The following BATF variants were observed in gnomAD, a reference collection of about 807,000 sequenced individuals.
BATF encodes basic leucine zipper transcriptional factor ATF-like.
Under a neutral mutation model 13.7 loss-of-function variants are expected in BATF, and 5 were observed. That is an observed-to-expected ratio of 0.36 (90% CI 0.19 to 0.77). The LOEUF is 0.77. Among genes scored for constraint, BATF ranks in the 30% least tolerant of loss-of-function variants. BATF has a pLI of 0.51. For synonymous variants in BATF, 72 were observed against 67.5 expected, an observed-to-expected ratio of 1.07 and a Z score of -0.33; for missense variants, 124 against 163.0, an observed-to-expected ratio of 0.76 and a Z score of 1.30.
intron 2 of BATF, among the ~76,000 whole-genome samples, chr14:75,536,396 A>C (rs926256639): frequency 1.3e-5 from 2 of 152,150 alleles, no homozygotes; most frequent in African/African-American, 2.4e-5. Context: ...GACCAAGTTC[A>C]AGACCATAAG....
At chr14:75,526,997 A>G (rs1172558184) in intron 2 of BATF, among the ~76,000 whole-genome samples, 1 of 152,220 alleles carries the variant, frequency 6.6e-6, no homozygotes, top group Non-Finnish European at 1.5e-5. Flanking sequence ...ATGTAAGTAT[A>G]GTTCGGCAGC....
At chr14:75,539,004 G>A (rs1277098572) in intron 2 of BATF, among the ~76,000 whole-genome samples, 2 of 152,240 alleles carry the variant, frequency 1.3e-5, no homozygotes, top group Non-Finnish European at 2.9e-5. Flanking sequence ...CTTGCTAGTG[G>A]TAACCTTTGT....
intron 2 of BATF, among the ~76,000 whole-genome samples, chr14:75,535,382 G>A (rs1220908372): frequency 1.3e-5 from 2 of 152,168 alleles, no homozygotes; most frequent in Non-Finnish European, 2.9e-5. Flanking sequence ...CTGCACTCTG[G>A]ACTGGGTAAT....
rs754383692 is a variant in BATF, at chr14:75,525,173, C to T, written c.153C>T (p.Ala51=). The change falls in exon 2 of 3, where the codon GCC becomes GCT. Residue 51 remains alanine (A), a synonymous_variant. Coordinates refer to ENST00000286639, the MANE Select transcript of BATF (RefSeq NM_006399.5). ...QKSRQRQTQK[A]DTLHLESEDL... ...GCCGACAGAGGCAGACACAGAAGGC[C>T]GACACCCTGCACCTGGTAAGTGTTC... The T allele has an allele frequency of 1.3e-5, 21 of 1,613,680 alleles. No individual in the cohort carries two copies. Among genetic ancestry groups the T allele is most frequent in the African/African-American group, 4.0e-5 (3 of 74,874 alleles).
At chr14:75,531,788 C>G (rs1466104603) in intron 2 of BATF, among the ~76,000 whole-genome samples, 1 of 152,132 alleles carries the variant, frequency 6.6e-6, no homozygotes, top group Non-Finnish European at 1.5e-5. Context: ...TTGTTCTTGG[C>G]CTTCTGAGGA....
In BATF at chr14:75,546,766, C is replaced by T. The variant is rs1887994259; in HGVS notation, c.*95C>T. The T allele has an allele frequency of 1.4e-6, 2 of 1,394,548 alleles. No homozygotes were observed. The highest frequency in any genetic ancestry group is 2.7e-5 in the South Asian group (2 of 74,866). The allele number at this position is 1,394,548 out of a possible 1,614,324, so 86.4% of individuals were successfully genotyped here. ...CAGAGGCCCCTGTCCACCTGGAGACCCGGAGACAGAGGCCTGGACAAGGAG... is the reference window on the plus strand; with the variant it reads ...CAGAGGCCCCTGTCCACCTGGAGACTCGGAGACAGAGGCCTGGACAAGGAG... On this transcript the variant is annotated 3_prime_UTR_variant, in exon 3 of 3. Coordinates refer to ENST00000286639, the MANE Select transcript of BATF (RefSeq NM_006399.5).
intron 2 of BATF, among the ~76,000 whole-genome samples, chr14:75,528,743 A>G (rs1417507155): frequency 6.6e-6 from 1 of 151,612 alleles, no homozygotes; most frequent in African/African-American, 2.4e-5. Context: ...ATCAATAGCT[A>G]ATAAGTGGAC....
chr14:75,546,673 C>T lies in BATF; in HGVS notation c.*2C>T, dbSNP rs775368392. The T allele has an allele frequency of 6.3e-7, 1 of 1,586,860 alleles. No homozygotes were observed. The highest frequency in any genetic ancestry group is 8.6e-7 in the Non-Finnish European group (1 of 1,166,762). On this transcript the variant is annotated 3_prime_UTR_variant, in exon 3 of 3. Coordinates refer to ENST00000286639, the MANE Select transcript of BATF (RefSeq NM_006399.5). ...AGCTCCCCGCGCTTCCAGCCCTGAGCTTCCGATGCGGGGAGAGCAGAGCCT... is the reference window on the plus strand; with the variant it reads ...AGCTCCCCGCGCTTCCAGCCCTGAGTTTCCGATGCGGGGAGAGCAGAGCCT...
chr14:75,533,317 A>G (rs1239986361), intron 2 of BATF, among the ~76,000 whole-genome samples: 1 of 151,342 alleles, frequency 6.6e-6, no homozygotes, highest in Non-Finnish European at 1.5e-5. Context: ...AGTCCCAGCT[A>G]CTCGGGAGGA....
intron 2 of BATF, among the ~76,000 whole-genome samples, chr14:75,529,665 G>A (rs1887703959): frequency 6.6e-6 from 1 of 152,154 alleles, no homozygotes; most frequent in African/African-American, 2.4e-5. Context: ...AAAGGCAAAT[G>A]ACAAGCTGAG....
At chr14:75,544,948 A>T (rs553919039) in intron 2 of BATF, among the ~76,000 whole-genome samples, 1 of 152,212 alleles carries the variant, frequency 6.6e-6, no homozygotes, top group African/African-American at 2.4e-5. Flanking sequence ...TGAGGATGGG[A>T]TTGCTTTTCC....
intron 2 of BATF, among the ~76,000 whole-genome samples, chr14:75,527,603 G>A (rs1466582359): frequency 3.9e-5 from 6 of 152,166 alleles, no homozygotes; most frequent in Non-Finnish European, 5.9e-5. Flanking sequence ...CACTGAATCA[G>A]CTCTCTCCCT....
intron 2 of BATF, among the ~76,000 whole-genome samples, chr14:75,530,957 T>C (rs1887722696): frequency 1.3e-5 from 2 of 152,364 alleles, no homozygotes; most frequent in Admixed American, 1.3e-4. Context: ...GGGAGATACT[T>C]GGCATTCTTT....
chr14:75,546,811 G>T lies in BATF; in HGVS notation c.*140G>T, dbSNP rs1018194031. The T allele has an allele frequency of 3.4e-6, 4 of 1,185,424 alleles. No individual in the cohort carries two copies. The highest frequency in any genetic ancestry group is 2.7e-5 in the South Asian group (2 of 75,388). The allele number at this position is 1,185,424 out of a possible 1,614,324, so 73.4% of individuals were successfully genotyped here. On this transcript the variant is annotated 3_prime_UTR_variant, in exon 3 of 3. Transcript: ENST00000286639. ...AAGGAGTGAACACGGGAACTGTCAC[G>T]ACTGGAAGGGCGTGAGGCCTCCCAG...
chr14:75,539,177 T>A (rs1041613188), intron 2 of BATF, among the ~76,000 whole-genome samples: 1 of 152,192 alleles, frequency 6.6e-6, no homozygotes, highest in African/African-American at 2.4e-5. Context: ...AAGCTCCTTC[T>A]CTCTAAGCAG....
chr14:75,538,726 C>G (rs936385148), intron 2 of BATF, among the ~76,000 whole-genome samples: 1 of 152,114 alleles, frequency 6.6e-6, no homozygotes, highest in East Asian at 1.9e-4. Flanking sequence ...ACGGTGAAAC[C>G]ATGTCTCTAC....
At chr14:75,523,281 G>T (rs1322836237) in intron 1 of BATF, among the ~76,000 whole-genome samples, 1 of 152,154 alleles carries the variant, frequency 6.6e-6, no homozygotes, top group East Asian at 1.9e-4. Flanking sequence ...TAGCATAGAA[G>T]GATCTCTCTA....
rs1260017579 is a variant in BATF at position 75,541,099 on chromosome 14, T to A, written c.169-5363T>A. The stretch of plus-strand genomic sequence containing the variant: ...GAGAGACTCTGTCTCAAAAATTAAA[T>A]AAACAAATAAATGATAGTTAAGTTA... On this transcript the variant is annotated intron_variant, in intron 2 of 2. Transcript: ENST00000286639. Among the ~76,000 whole-genome samples, 19 of 152,104 alleles carry A rather than the reference T, an allele frequency of 1.2e-4. 1 individual carries two copies. Among genetic ancestry groups the A allele is most frequent in the Admixed American group, 1.2e-3 (19 of 15,268 alleles).
chr14:75,529,547 A>G (rs564883427), intron 2 of BATF, among the ~76,000 whole-genome samples: 1 of 152,360 alleles, frequency 6.6e-6, no homozygotes, highest in African/African-American at 2.4e-5. Context: ...ATTATTTTCT[A>G]AATAAAACAT....
Sources: allele counts gnomAD v4.1 joint callset (sites outside exome capture counted in the v4.1 genomes callset), GRCh38; gene constraint gnomAD v4.1.1; transcripts MANE v1.5; gene names NCBI Gene and HGNC (gene_info 2026-07-23, HGNC 2026-07-21).